Variants in KIF15 observed in about 807,000 individuals in gnomAD.
The protein encoded by KIF15 is kinesin family member 15.
Under a neutral mutation model 190.6 loss-of-function variants are expected in KIF15, and 140 were observed. That is an observed-to-expected ratio of 0.73 (90% confidence interval 0.64 to 0.84). The LOEUF (loss-of-function observed/expected upper bound fraction) is 0.84, where lower values mean the gene tolerates loss of function less well. Ranked by LOEUF, KIF15 falls within the 40% of genes least tolerant of loss-of-function variation. The pLI is 0.00. For missense variants in KIF15, 1,372 were observed against 1,584.4 expected (o/e 0.87, Z 2.28); for synonymous variants, 528 against 551.3 (o/e 0.96, Z 0.59).
chr3:44,796,389 T>C (rs185619584), intron 8 of KIF15, among the ~76,000 whole-genome samples: 13 of 152,314 alleles, frequency 8.5e-5, no homozygotes, highest in African/African-American at 2.2e-4. Flanking sequence ...ATAGGACATA[T>C]ACCAAGTCTG....
chr3:44,787,130 C>T (rs761052391), intron 7 of KIF15, among the ~76,000 whole-genome samples: 19 of 152,164 alleles, frequency 1.2e-4, no homozygotes, highest in Non-Finnish European at 2.5e-4. Flanking sequence ...TTAAAGTGAA[C>T]TTTCAGGAGG....
chr3:44,843,575 C>T (rs555444028), intron 30 of KIF15, among the ~76,000 whole-genome samples: 3 of 152,156 alleles, frequency 2.0e-5, no homozygotes, highest in Non-Finnish European at 4.4e-5. Context: ...GGAGAATTCC[C>T]TACTAGTTGG....
At chr3:44,864,147 C>T in intron 6 of KIF15, 4 of 1,609,402 alleles carry the variant, frequency 2.5e-6, no homozygotes, top group Non-Finnish European at 3.4e-6. Flanking sequence ...AGGGGGTCTG[C>T]AGGTTGCTGC....
chr3:44,833,009 CAAAAAA>C (rs11339810), intron 26 of KIF15, among the ~76,000 whole-genome samples: 1 of 85,210 alleles, frequency 1.2e-5, no homozygotes. Flanking sequence ...GACTCCATCT[CAAAAAA>C]AAAAAAAAAA....
At position 44,780,884 on chromosome 3, in the gene KIF15, G is replaced by T. The variant is rs1352644532; in HGVS notation, c.324-1G>T. 6.3e-7 allele frequency: 1 copy of T among 1,591,058 alleles called. No homozygotes were observed. Among genetic ancestry groups the T allele is most frequent in the Non-Finnish European group, 8.6e-7 (1 of 1,165,024 alleles). Reference sequence around the variant, plus strand: ...AATAATATGTAAAACATTTTTTACAGTGGACAGACTGGCTCAGGGAAGACA... The same window carrying T: ...AATAATATGTAAAACATTTTTTACATTGGACAGACTGGCTCAGGGAAGACA... On this transcript the variant is annotated splice_acceptor_variant, in intron 4 of 34. Transcript: ENST00000326047. LOFTEE classifies it high-confidence loss of function.
At chr3:44,835,447 G>A (rs1698264211) in intron 26 of KIF15, among the ~76,000 whole-genome samples, 1 of 151,898 alleles carries the variant, frequency 6.6e-6, no homozygotes, top group African/African-American at 2.4e-5. Context: ...TCACTATGAT[G>A]CCCACGCTGG....
intron 20 of KIF15, among the ~76,000 whole-genome samples, 155 bp downstream of exon 20, chr3:44,815,231 G>T (rs931006329): frequency 2.0e-5 from 3 of 152,176 alleles, no homozygotes; most frequent in Non-Finnish European, 4.4e-5. Flanking sequence ...GGTGATTTTG[G>T]TTTCAGGAAC....
intron 6 of KIF15, among the ~76,000 whole-genome samples, chr3:44,785,444 A>G (rs374812682): frequency 6.6e-6 from 1 of 152,182 alleles, no homozygotes; most frequent in African/African-American, 2.4e-5. Flanking sequence ...GTATGGCTCC[A>G]TCACCCTGGG....
Position 44,841,833 on chromosome 3 carries a change from G to A in KIF15, c.3585+595G>A, listed in dbSNP as rs146158992. Among the ~76,000 whole-genome samples, 344 of 152,294 alleles carry A rather than the reference G, an allele frequency of 2.3e-3. 2 individuals are homozygous for A. The highest frequency in any genetic ancestry group is 7.5e-3 in the African/African-American group (313 of 41,554). On this transcript the variant is annotated intron_variant, in intron 29 of 34. Coordinates refer to ENST00000326047, the MANE Select transcript of KIF15 (RefSeq NM_020242.3). ...CTAATCCACCTACTTTGCTGTCCCT[G>A]GAGGCTTCCAGGGTAGCCCCTTTCT... is the stretch of plus-strand genomic sequence containing the variant.
chr3:44,775,946 A>G (rs1275313308), intron 3 of KIF15, among the ~76,000 whole-genome samples: 1 of 151,494 alleles, frequency 6.6e-6, no homozygotes, highest in Admixed American at 6.6e-5. Context: ...TGGTTGTGGT[A>G]GTGGGCACCT....
chr3:44,813,103 C>T lies in KIF15; in HGVS notation c.2306C>T (p.Thr769Ile). 6.3e-7 allele frequency: 1 copy of T among 1,592,036 alleles called. No homozygotes were observed. Among genetic ancestry groups the T allele is most frequent in the Non-Finnish European group, 8.5e-7 (1 of 1,173,464 alleles). ...TTCTCATCAGAAAGAATTGATTGGA[C>T]CAAACAGCAGGAAGAGCTTCTCTCA... ...ELFSSERIDW[T>I]KQQEELLSQL... The change falls in exon 19 of 35, where the codon ACC becomes ATC. Residue 769 changes from threonine (T) to isoleucine (I), a missense_variant. By Grantham distance (89) the Thr-to-Ile change is moderately conservative. Coordinates refer to ENST00000326047, the MANE Select transcript of KIF15 (RefSeq NM_020242.3).
chr3:44,837,154 G>A (rs978331171), intron 26 of KIF15, among the ~76,000 whole-genome samples: 1 of 152,054 alleles, frequency 6.6e-6, no homozygotes, highest in Non-Finnish European at 1.5e-5. Flanking sequence ...GGGACAGTTG[G>A]GCCAGTTTCA....
At chr3:44,793,855 T>G (rs1706837334) in intron 7 of KIF15, among the ~76,000 whole-genome samples, 2 of 151,922 alleles carry the variant, frequency 1.3e-5, no homozygotes, top group African/African-American at 4.8e-5. Flanking sequence ...AGTGTACCTA[T>G]TCTTGTTCCT....
chr3:44,866,610 G>A (rs1412089889), intron 6 of KIF15, among the ~76,000 whole-genome samples: 1 of 152,156 alleles, frequency 6.6e-6, no homozygotes, highest in Non-Finnish European at 1.5e-5. Context: ...CTAGGAGAGC[G>A]AAGGGTCTTG....
rs144737867 is a variant in KIF15 at position 44,827,570 on chromosome 3, A to T, written c.2856+42A>T. On this transcript the variant is annotated intron_variant, in intron 23 of 34. Coordinates refer to ENST00000326047, the MANE Select transcript of KIF15 (RefSeq NM_020242.3). ...TCTAACTCTAGTATTTGAAGTTTAT[A>T]ACTTTTATTCCTGATACCTAAAAGG... The T allele has an allele frequency of 1.1e-3, 1,433 of 1,290,482 alleles. 39 individuals are homozygous for T. The East Asian group carries it at 0.031, about 28-fold the overall frequency. 79.9% of individuals were successfully genotyped at this position (1,290,482 alleles called of 1,614,324 possible). A position where few individuals can be genotyped will look rare whatever the true frequency, so the allele number is the denominator to read the frequency against.
intron 6 of KIF15, among the ~76,000 whole-genome samples, chr3:44,866,174 G>A (rs949438601): frequency 2.1e-4 from 32 of 151,286 alleles, no homozygotes; most frequent in African/African-American, 7.3e-4. Context: ...CCGGGTTCGC[G>A]CCATTCTCCT....
rs1490297004 is a variant in KIF15, at chr3:44,820,924, C to T, written c.2550-5115C>T. ...GGGGCTCCTCACCTCCCAGTAGGGGCGGCCGGGCAGAGGCGCCCCTCACCT... is the reference window on the plus strand; with the variant it reads ...GGGGCTCCTCACCTCCCAGTAGGGGTGGCCGGGCAGAGGCGCCCCTCACCT... On this transcript the variant is annotated intron_variant, in intron 20 of 34. Transcript: ENST00000326047. Among the ~76,000 whole-genome samples, 83 of 152,018 alleles carry T rather than the reference C, an allele frequency of 5.5e-4. 1 individual carries two copies. The highest frequency in any genetic ancestry group is 3.4e-3 in the Middle Eastern group (1 of 294).
At chr3:44,846,889 G>T (rs1698873464) in intron 30 of KIF15, among the ~76,000 whole-genome samples, 1 of 151,986 alleles carries the variant, frequency 6.6e-6, no homozygotes, top group African/African-American at 2.4e-5. Flanking sequence ...ATAGCTCAGG[G>T]GCCTAATTCA....
intron 3 of KIF15, 136 bp downstream of exon 3, chr3:44,775,573 A>G: frequency 1.7e-6 from 1 of 595,934 alleles, no homozygotes; most frequent in Non-Finnish European, 2.9e-6. Flanking sequence ...CTCCTGCCTC[A>G]GCCTCCCGAG....
Sources: allele counts gnomAD v4.1 joint callset (sites outside exome capture counted in the v4.1 genomes callset), GRCh38; gene constraint gnomAD v4.1.1; transcripts MANE v1.5; gene names NCBI Gene and HGNC (gene_info 2026-07-23, HGNC 2026-07-21).